Variants in SLC30A8 observed in about 807,000 individuals in gnomAD.
The protein encoded by SLC30A8 is proton-coupled zinc antiporter SLC30A8.
Under a neutral mutation model 36.9 loss-of-function variants are expected in SLC30A8, and 27 were observed. The observed-to-expected ratio is 0.73, with a 90% confidence interval of 0.54 to 1.01. The LOEUF is 1.01. SLC30A8 is among the 50% of genes least tolerant of loss of function. The pLI is 0.00. For synonymous variants in SLC30A8, 164 were observed against 172.4 expected, an observed-to-expected ratio of 0.95 and a Z score of 0.38; for missense variants, 439 against 452.0, an observed-to-expected ratio of 0.97 and a Z score of 0.26.
At position 117,001,958 on chromosome 8, in the gene SLC30A8, T is replaced by TG. The variant is rs564228555; in HGVS notation, c.-265-37261_-265-37260insG. ...AAGCTTAGGGAATGGTTTTAGGTCC[T>TG]AGTGCCTAAAATAGTGCCCATTATG... On this transcript the variant is annotated intron_variant, in intron 1 of 10. Transcript: ENST00000427715. 9.9e-4 allele frequency among the ~76,000 whole-genome samples: 151 copies of TG among 152,206 alleles called. 1 individual carries two copies. The highest frequency in any genetic ancestry group is 2.2e-3 in the Admixed American group (34 of 15,290).
At position 117,105,545 on chromosome 8, in the gene SLC30A8, C is replaced by T. The variant is rs190931668; in HGVS notation, c.-225-29735C>T. 1.4e-3 allele frequency among the ~76,000 whole-genome samples: 211 copies of T among 152,122 alleles called. 1 individual carries two copies. Among genetic ancestry groups the T allele is most frequent in the African/African-American group, 4.9e-3 (203 of 41,490 alleles). ...CATGATTTATTTTAAGAAATTGGTTCGTAAGATTGGGGCCTGGTATATCTG... is the reference window on the plus strand; with the variant it reads ...CATGATTTATTTTAAGAAATTGGTTTGTAAGATTGGGGCCTGGTATATCTG... On this transcript the variant is annotated intron_variant, in intron 2 of 10. Coordinates refer to the SLC30A8 transcript ENST00000427715.
chr8:117,079,673 A>G (rs1381737653), intron 2 of SLC30A8, among the ~76,000 whole-genome samples: 1 of 152,208 alleles, frequency 6.6e-6, no homozygotes, highest in Non-Finnish European at 1.5e-5. Flanking sequence ...AGGAAAATAT[A>G]TATGTTTCCA....
intron 2 of SLC30A8, among the ~76,000 whole-genome samples, chr8:117,083,664 A>G (rs953742227): frequency 4.6e-5 from 7 of 152,154 alleles, no homozygotes; most frequent in African/African-American, 1.7e-4. Flanking sequence ...GACCCAAGAC[A>G]CTTTCCTTCT....
chr8:116,988,555 C>T (rs908063015), intron 1 of SLC30A8, among the ~76,000 whole-genome samples: 3 of 152,204 alleles, frequency 2.0e-5, no homozygotes, highest in Non-Finnish European at 4.4e-5. Flanking sequence ...AAGAGTTACT[C>T]CTCTTAGAAG....
At chr8:117,130,224 C>A (rs762234620), upstream of SLC30A8, 1 of 151,932 alleles carries the variant, frequency 6.6e-6, no homozygotes, top group African/African-American at 2.4e-5. Flanking sequence ...TTGGATTCAA[C>A]GTGAAAAGCA....
chr8:117,013,238 G>A (rs1265796481), intron 1 of SLC30A8, among the ~76,000 whole-genome samples: 2 of 152,272 alleles, frequency 1.3e-5, no homozygotes, highest in African/African-American at 4.8e-5. Context: ...GCATAAGAAT[G>A]TTTCTTTGCC....
chr8:117,107,075 T>G (rs997144211), intron 2 of SLC30A8, among the ~76,000 whole-genome samples: 2 of 151,966 alleles, frequency 1.3e-5, no homozygotes, highest in Non-Finnish European at 2.9e-5. Context: ...ATCCTAAGAG[T>G]TTCTCACAGG....
chr8:117,129,422 G>C (rs1208539767), intron 2 of SLC30A8, among the ~76,000 whole-genome samples: 1 of 152,010 alleles, frequency 6.6e-6, no homozygotes, highest in African/African-American at 2.4e-5. Flanking sequence ...TATCCACTGG[G>C]ACATCATTTT....
intron 1 of SLC30A8, among the ~76,000 whole-genome samples, chr8:116,999,349 T>C (rs1350737517): frequency 6.6e-6 from 1 of 152,066 alleles, no homozygotes; most frequent in Non-Finnish European, 1.5e-5. Flanking sequence ...GTGGAAGGCA[T>C]GTAAAGGCAA....
At chr8:117,120,327 A>G (rs1412515388) in intron 2 of SLC30A8, among the ~76,000 whole-genome samples, 1 of 151,944 alleles carries the variant, frequency 6.6e-6, no homozygotes, top group Non-Finnish European at 1.5e-5. Flanking sequence ...TATATAGTGA[A>G]CTGATCTTTG....
chr8:117,061,951 G>A (rs1818034049), intron 2 of SLC30A8, among the ~76,000 whole-genome samples: 1 of 152,208 alleles, frequency 6.6e-6, no homozygotes, highest in South Asian at 2.1e-4. Context: ...GGTTACTGTG[G>A]CAGGGTGTTA....
rs189800066 is a variant in SLC30A8, at chr8:117,147,102, C to T, written c.220C>T (p.Leu74Phe). 6.2e-7 allele frequency: 1 copy of T among 1,614,136 alleles called. No homozygotes were observed. The highest frequency in any genetic ancestry group is 8.5e-7 in the Non-Finnish European group (1 of 1,180,020). Residue 74 changes from leucine (L) to phenylalanine (F), a missense_variant, in exon 2 of 8, where the codon CTC (leucine) becomes TTC (phenylalanine). Coordinates refer to ENST00000456015, the MANE Select transcript of SLC30A8 (RefSeq NM_173851.3). ...TGAGTACGCCTATGCCAAGTGGAAA[C>T]TCTGTTCTGCTTCAGCAATATGCTT... ...ANEYAYAKWK[L>F]CSASAICFIF...
intron 1 of SLC30A8, chr8:117,017,906 T>G (rs886991929): frequency 5.3e-5 from 8 of 152,184 alleles, no homozygotes; most frequent in African/African-American, 1.9e-4. Flanking sequence ...ACTTATATAA[T>G]TTTGAGGTTT....
At chr8:117,019,009 T>C (rs962480548) in intron 1 of SLC30A8, among the ~76,000 whole-genome samples, 1 of 152,168 alleles carries the variant, frequency 6.6e-6, no homozygotes, top group Non-Finnish European at 1.5e-5. Context: ...TTTTAAAAAA[T>C]TTTTAACATG....
At chr8:117,040,401 T>A (rs1441235463) in intron 2 of SLC30A8, among the ~76,000 whole-genome samples, 1 of 152,248 alleles carries the variant, frequency 6.6e-6, no homozygotes, top group African/African-American at 2.4e-5. Context: ...TTGTGCCTGA[T>A]GCACACGGGC....
intron 1 of SLC30A8, among the ~76,000 whole-genome samples, chr8:116,978,909 CTTTT>C (rs918562571): frequency 6.7e-6 from 1 of 148,700 alleles, no homozygotes; most frequent in Non-Finnish European, 1.5e-5. Flanking sequence ...AGGGCTGTAT[CTTTT>C]TTTTTTCTTT....
chr8:117,109,717 A>T (rs1204414771), intron 2 of SLC30A8, among the ~76,000 whole-genome samples: 1 of 152,212 alleles, frequency 6.6e-6, no homozygotes, highest in Non-Finnish European at 1.5e-5. Flanking sequence ...ACATGTTGTT[A>T]TTAAGTTGAA....
intron 2 of SLC30A8, among the ~76,000 whole-genome samples, chr8:117,093,777 C>CA (rs1287203337): frequency 6.6e-6 from 1 of 152,156 alleles, no homozygotes; most frequent in Non-Finnish European, 1.5e-5. Flanking sequence ...CCTCTGGACT[C>CA]ATTCTGCCAA....
chr8:117,161,810 A>G lies in SLC30A8; in HGVS notation c.645A>G (p.Arg215=). Residue 215 remains arginine, a synonymous_variant, in exon 5 of 8, where the codon AGA becomes AGG. Coordinates refer to ENST00000456015, the MANE Select transcript of SLC30A8 (RefSeq NM_173851.3). ...AAGTACAAGCCAATGCCAGCGTCAGAGCTGCTTTTGTGCATGCCCTTGGAG... is the reference window on the plus strand; with the variant it reads ...AAGTACAAGCCAATGCCAGCGTCAGGGCTGCTTTTGTGCATGCCCTTGGAG... The part of the protein sequence containing the change: ...HKEVQANASV[R]AAFVHALGDL... 6.2e-7 allele frequency: 1 copy of G among 1,613,988 alleles called. No individual in the cohort carries two copies. The highest frequency in any genetic ancestry group is 1.1e-5 in the South Asian group (1 of 91,076).
Sources: gnomAD v4.1 joint callset for allele counts (sites outside exome capture counted in the v4.1 genomes callset) on GRCh38, gnomAD v4.1.1 for gene constraint, MANE v1.5 for transcripts, NCBI Gene and HGNC (gene_info 2026-07-23, HGNC 2026-07-21) for gene names.